BIVM: variants seen among roughly 807,000 people sequenced by gnomAD.
BIVM encodes the protein basic, immunoglobulin-like variable motif containing.
A neutral mutation model predicts 61.4 loss-of-function variants in BIVM; 31 were observed. The observed-to-expected ratio is 0.51, with a 90% CI of 0.38 to 0.68. BIVM has a LOEUF of 0.68. Among genes scored for constraint, BIVM ranks in the 30% least tolerant of loss-of-function variants. The probability of loss-of-function intolerance (pLI) is 0.00; values close to 1 mark genes in which losing one functional copy is unlikely to be tolerated. For synonymous variants in BIVM, 189 were observed against 210.7 expected (o/e 0.90, Z 0.89); for missense variants, 526 against 596.0 (o/e 0.88, Z 1.22).
In BIVM at chr13:102,834,566, C is replaced by T. The variant is rs556263240; in HGVS notation, c.1121+14C>T. On this transcript the variant is annotated intron_variant, in intron 9 of 10. Coordinates refer to ENST00000257336, the MANE Select transcript of BIVM (RefSeq NM_017693.4). Reference sequence around the variant, plus strand: ...TCACTGTAAAAAGTATGTTAACTTCCCTTTATTTTCTTTAATTGAGGTAAC... The same window carrying T: ...TCACTGTAAAAAGTATGTTAACTTCTCTTTATTTTCTTTAATTGAGGTAAC... 10 of 1,562,674 alleles carry T rather than the reference C, an allele frequency of 6.4e-6. No individual in the cohort carries two copies. In the East Asian group the frequency reaches 2.1e-4, roughly 33 times the overall value.
chr13:102,839,675 C>A lies in BIVM; in HGVS notation c.1322C>A (p.Pro441His), dbSNP rs1222024422. 1.2e-6 allele frequency: 2 copies of A among 1,614,064 alleles called. No homozygotes were observed. The highest frequency in any genetic ancestry group is 1.7e-6 in the Non-Finnish European group (2 of 1,180,026). ...PFGTIRQESQ[P>H]PTHAQGIAKS... is the part of the protein sequence containing the mutation. ...GGAACCATTAGACAAGAATCACAACCTCCAACACATGCCCAGGGAATTGCC... is the reference window on the plus strand; with the variant it reads ...GGAACCATTAGACAAGAATCACAACATCCAACACATGCCCAGGGAATTGCC... Residue 441 changes from proline (P) to histidine (H), a missense_variant, in exon 11 of 11, where the codon CCT (proline) becomes CAT (histidine). This residue lies in a region of BIVM where 210 missense variants were observed against 233.1 expected (regional missense o/e 0.90). Coordinates refer to ENST00000257336, the MANE Select transcript of BIVM (RefSeq NM_017693.4).
At chr13:102,800,359 T>C (rs1418803439) in intron 1 of BIVM, 2 of 151,312 alleles carry the variant, frequency 1.3e-5, no homozygotes, top group Non-Finnish European at 2.9e-5. Flanking sequence ...TTCCGGCCGG[T>C]GAGGGAAGGT....
At chr13:102,809,942 T>C (rs540055625) in intron 3 of BIVM, among the ~76,000 whole-genome samples, 4 of 152,190 alleles carry the variant, frequency 2.6e-5, no homozygotes, top group East Asian at 1.9e-4. Flanking sequence ...CCTGTCACCG[T>C]GCCCGGCTAC....
intron 8 of BIVM, among the ~76,000 whole-genome samples, chr13:102,832,842 G>A (rs1881185195): frequency 6.6e-6 from 1 of 152,158 alleles, no homozygotes; most frequent in African/African-American, 2.4e-5. Context: ...TTGCATCTTT[G>A]TGGAAGAGAT....
Position 102,821,035 on chromosome 13 carries a change from A to G in BIVM, c.606-2A>G. ...GAAGAAAACAGTCTTTTGTGTTCTC[A>G]GGTACTGCATAAGCCGACCACAGTA... On this transcript the variant is annotated splice_acceptor_variant, in intron 4 of 10. Coordinates refer to ENST00000257336, the MANE Select transcript of BIVM (RefSeq NM_017693.4). LOFTEE classifies it high-confidence loss of function. The G allele has an allele frequency of 6.2e-7, 1 of 1,607,614 alleles. No individual in the cohort carries two copies. Among genetic ancestry groups the G allele is most frequent in the Non-Finnish European group, 8.5e-7 (1 of 1,178,512 alleles).
At chr13:102,800,931 A>G (rs902474719) in intron 1 of BIVM, among the ~76,000 whole-genome samples, 1 of 152,256 alleles carries the variant, frequency 6.6e-6, no homozygotes, top group Non-Finnish European at 1.5e-5. Context: ...GTTATACGAA[A>G]AGGCTTTACT....
rs1881765061 is a variant in BIVM, at chr13:102,840,960, G to A, written c.*1095G>A. 6.6e-6 allele frequency: 1 copy of A among 152,528 alleles called. No individual in the cohort carries two copies. Among genetic ancestry groups the A allele is most frequent in the Non-Finnish European group, 1.5e-5 (1 of 68,016 alleles). The allele number at this position is 152,528 out of a possible 1,614,324, so 9.4% of individuals were successfully genotyped here. On this transcript the variant is annotated 3_prime_UTR_variant, in exon 11 of 11. Transcript: ENST00000257336. ...CTTTCTCAGTATGGAGTCATATGTTGATAACAGTACTGAAGATGCATAAGA... is the reference window on the plus strand; with the variant it reads ...CTTTCTCAGTATGGAGTCATATGTTAATAACAGTACTGAAGATGCATAAGA...
chr13:102,803,940 A>C (rs943235239), intron 1 of BIVM, among the ~76,000 whole-genome samples: 6 of 152,204 alleles, frequency 3.9e-5, no homozygotes, highest in African/African-American at 1.4e-4. Flanking sequence ...TCACCGTTGC[A>C]CCACCAGATG....
rs1253323476 is a variant in BIVM, at chr13:102,807,828, A to C, written c.478+83A>C. The C allele has an allele frequency of 2.9e-6, 4 of 1,383,174 alleles. No homozygotes were observed. Among genetic ancestry groups the C allele is most frequent in the Non-Finnish European group, 3.9e-6 (4 of 1,026,890 alleles). The allele number at this position is 1,383,174 out of a possible 1,614,324, so 85.7% of individuals were successfully genotyped here. A position where few individuals can be genotyped will look rare whatever the true frequency, so the allele number is the denominator to read the frequency against. ...CTTGTTTAATCTTGCCATTACACAT[A>C]GTTTCCTTGTATAATACTAGATAAG... On this transcript the variant is annotated intron_variant, in intron 3 of 10. Transcript: ENST00000257336. This position sits in a 1 kb window ranked among gnomAD's most constrained non-coding sequence, Gnocchi z 4.0.
rs1161939622 is a variant in BIVM at position 102,805,408 on chromosome 13, A to C, written c.-123+18A>C. 2.0e-5 allele frequency: 3 copies of C among 152,152 alleles called. No homozygotes were observed. Among genetic ancestry groups the C allele is most frequent in the African/African-American group, 7.2e-5 (3 of 41,406 alleles). The allele number at this position is 152,152 out of a possible 1,614,324, so 9.4% of individuals were successfully genotyped here. On this transcript the variant is annotated intron_variant, in intron 2 of 10. Transcript: ENST00000257336. The stretch of plus-strand genomic sequence containing the variant: ...TCTGTCAGGTGATGAATCTTTGGAA[A>C]ATTTACTTTCTGTATTCTGTGTTTA...
At position 102,807,337 on chromosome 13, in the gene BIVM, T is replaced by C. The variant is rs537332372; in HGVS notation, c.70T>C (p.Ser24Pro). The change falls in exon 3 of 11, where the codon TCA becomes CCA. Residue 24 changes from serine (S) to proline (P), a missense_variant. Ser to Pro is a moderately conservative substitution (Grantham distance 74). This residue lies in a region of BIVM where 312 missense variants were observed against 343.8 expected (regional missense o/e 0.91). Coordinates refer to ENST00000257336, the MANE Select transcript of BIVM (RefSeq NM_017693.4). This position sits in a 1 kb window ranked among gnomAD's most constrained non-coding sequence, Gnocchi z 4.0. ...GNGEHKSERK[S>P]PEENLQGAVK... ...TGGTGAGCACAAATCTGAGAGAAAG[T>C]CACCTGAAGAGAATCTACAAGGTGC... The C allele has an allele frequency of 3.1e-6, 5 of 1,614,100 alleles. No homozygotes were observed. The African/African-American group carries it at 4.0e-5, about 13-fold the overall frequency.
At chr13:102,799,694 G>C (rs1405117278) in intron 1 of BIVM, among the ~76,000 whole-genome samples, 173 bp downstream of exon 1, 2 of 152,238 alleles carry the variant, frequency 1.3e-5, no homozygotes, top group African/African-American at 2.4e-5. Flanking sequence ...GCTGCCAGGG[G>C]TCATCGCCTC....
intron 2 of BIVM, among the ~76,000 whole-genome samples, chr13:102,806,850 C>T (rs1282968795): frequency 3.3e-5 from 5 of 151,026 alleles, no homozygotes; most frequent in Non-Finnish European, 4.4e-5. Context: ...GCGGAGGTTG[C>T]GGTGAGCCGA....
chr13:102,834,388 C>A, intron 8 of BIVM, 78 bp from the exon 9 acceptor site: 1 of 1,405,410 alleles, frequency 7.1e-7, no homozygotes, highest in Non-Finnish European at 9.7e-7. Flanking sequence ...TCTAGTATGC[C>A]TTTTATTAAT....
chr13:102,837,148 T>C (rs1168972119), intron 9 of BIVM, among the ~76,000 whole-genome samples: 1 of 152,026 alleles, frequency 6.6e-6, no homozygotes, highest in Non-Finnish European at 1.5e-5. Flanking sequence ...CATGGTGGCA[T>C]GTGCGTGTAG....
At chr13:102,837,693 T>C (rs967870105) in intron 9 of BIVM, among the ~76,000 whole-genome samples, 1 of 152,210 alleles carries the variant, frequency 6.6e-6, no homozygotes, top group African/African-American at 2.4e-5. Context: ...ATGTGGTATG[T>C]ATATTACCAC....
At chr13:102,833,884 C>A (rs893778930) in intron 8 of BIVM, among the ~76,000 whole-genome samples, 2 of 152,200 alleles carry the variant, frequency 1.3e-5, no homozygotes, top group African/African-American at 4.8e-5. Flanking sequence ...TTTCATCCTG[C>A]AGCTTCACCT....
chr13:102,826,005 C>T (rs1880640967), intron 7 of BIVM, among the ~76,000 whole-genome samples: 3 of 152,120 alleles, frequency 2.0e-5, no homozygotes, highest in African/African-American at 7.2e-5. Flanking sequence ...TTGTGCATCA[C>T]AGTGCCTGAT....
chr13:102,824,283 G>C (rs367923572), intron 7 of BIVM, among the ~76,000 whole-genome samples: 1 of 152,166 alleles, frequency 6.6e-6, no homozygotes, highest in African/African-American at 2.4e-5. Context: ...CCCTCTCTCA[G>C]GATAGCACAT....
Sources: gnomAD v4.1 joint callset for allele counts (sites outside exome capture counted in the v4.1 genomes callset) on GRCh38, gnomAD v4.1.1 for gene constraint, gnomAD v4.1.1 regional missense constraint, Gnocchi (gnomAD v3.1) non-coding constraint, MANE v1.5 for transcripts, NCBI Gene and HGNC (gene_info 2026-07-23, HGNC 2026-07-21) for gene names.